PDCD1LG2: variants seen among roughly 807,000 people sequenced by gnomAD.
The protein encoded by PDCD1LG2 is programmed cell death 1 ligand 2.
A neutral mutation model predicts 28.2 loss-of-function variants in PDCD1LG2; 32 were observed. The ratio of observed to expected loss-of-function variants is 1.13; its 90% CI spans 0.86 to 1.52. PDCD1LG2 has a LOEUF of 1.52. Among genes scored for constraint, PDCD1LG2 ranks in the 40% most tolerant of loss-of-function variants. The pLI, the probability that PDCD1LG2 is intolerant of heterozygous loss-of-function variation, is 0.00. For missense variants in PDCD1LG2, 385 were observed against 323.8 expected, an observed-to-expected ratio of 1.19 and a Z score of -1.45; for synonymous variants, 116 against 120.2, an observed-to-expected ratio of 0.97 and a Z score of 0.23.
At chr9:5,543,337 A>AGATCAT (rs1820724502) in intron 3 of PDCD1LG2, among the ~76,000 whole-genome samples, 1 of 152,096 alleles carries the variant, frequency 6.6e-6, no homozygotes, top group African/African-American at 2.4e-5. Flanking sequence ...CAGGAGATCA[A>AGATCAT]GATCATCCTG....
Position 5,536,995 on chromosome 9 carries a change from T to C in PDCD1LG2, c.361+1945T>C, listed in dbSNP as rs374409237. ...GTGTAAAACCCTCTATAGTGTTAAA[T>C]AAAAGAATGATTGGGAACATTGACA... On this transcript the variant is annotated intron_variant, in intron 3 of 6. Coordinates refer to ENST00000397747, the MANE Select transcript of PDCD1LG2 (RefSeq NM_025239.4). 3.9e-5 allele frequency among the ~76,000 whole-genome samples: 6 copies of C among 152,324 alleles called. No individual in the cohort carries two copies. The East Asian group carries it at 9.6e-4, about 24-fold the overall frequency.
At chr9:5,568,087 A>G (rs972990138) in intron 6 of PDCD1LG2, among the ~76,000 whole-genome samples, 1 of 152,152 alleles carries the variant, frequency 6.6e-6, no homozygotes, top group Non-Finnish European at 1.5e-5. Flanking sequence ...GGCACTATAA[A>G]CCTTTCGCAA....
At chr9:5,521,502 C>T (rs1274798334) in intron 1 of PDCD1LG2, among the ~76,000 whole-genome samples, 1 of 152,136 alleles carries the variant, frequency 6.6e-6, no homozygotes, top group African/African-American at 2.4e-5. Context: ...GACCACTTCT[C>T]ACCCCTACTA....
intron 3 of PDCD1LG2, among the ~76,000 whole-genome samples, chr9:5,540,863 T>C (rs971687242): frequency 2.3e-4 from 35 of 152,088 alleles, no homozygotes; most frequent in African/African-American, 8.4e-4. Context: ...AATCATTCTA[T>C]GAAGCCAGTA....
chr9:5,532,118 G>A (rs1040905944), intron 2 of PDCD1LG2, among the ~76,000 whole-genome samples: 2 of 152,168 alleles, frequency 1.3e-5, no homozygotes, highest in African/African-American at 4.8e-5. Context: ...GAATCATACA[G>A]GAAATCTCTT....
At chr9:5,522,407 C>T in intron 1 of PDCD1LG2, 126 bp from the exon 2 acceptor site, 1 of 646,424 alleles carries the variant, frequency 1.5e-6, no homozygotes, top group Non-Finnish European at 2.7e-6. Flanking sequence ...CCTCCCAGCT[C>T]CACTCTACCA....
intron 1 of PDCD1LG2, among the ~76,000 whole-genome samples, chr9:5,516,286 C>T (rs965634033): frequency 3.9e-5 from 6 of 152,142 alleles, no homozygotes; most frequent in South Asian, 4.1e-4. Flanking sequence ...CTCCTGACCT[C>T]GTGATTTTCC....
chr9:5,513,251 T>G (rs775945989), intron 1 of PDCD1LG2, among the ~76,000 whole-genome samples: 4 of 152,200 alleles, frequency 2.6e-5, no homozygotes, highest in Non-Finnish European at 5.9e-5. Flanking sequence ...CGCCTGTGCA[T>G]TTGCACCTCT....
At chr9:5,530,249 C>T (rs1462159510) in intron 2 of PDCD1LG2, among the ~76,000 whole-genome samples, 3 of 152,120 alleles carry the variant, frequency 2.0e-5, no homozygotes, top group African/African-American at 7.2e-5. Context: ...GACCTGCATA[C>T]ATGAATTTTT....
At chr9:5,547,795 A>G (rs893970411) in intron 3 of PDCD1LG2, among the ~76,000 whole-genome samples, 23 of 152,172 alleles carry the variant, frequency 1.5e-4, no homozygotes, top group African/African-American at 5.3e-4. Context: ...AAAATTAGCC[A>G]GGCATGGTGG....
At chr9:5,542,219 A>G (rs1252825150) in intron 3 of PDCD1LG2, among the ~76,000 whole-genome samples, 4 of 152,250 alleles carry the variant, frequency 2.6e-5, no homozygotes, top group African/African-American at 4.8e-5. Context: ...ACCTGAAACC[A>G]TAACGATTCT....
intron 3 of PDCD1LG2, among the ~76,000 whole-genome samples, chr9:5,546,811 TA>T (rs1438839169): frequency 1.3e-5 from 2 of 152,188 alleles, no homozygotes; most frequent in African/African-American, 2.4e-5. Flanking sequence ...ATTTATACAT[TA>T]GGGGGAAAGA....
intron 5 of PDCD1LG2, among the ~76,000 whole-genome samples, chr9:5,562,271 A>G (rs984279854): frequency 5.3e-5 from 8 of 152,206 alleles, no homozygotes; most frequent in African/African-American, 1.9e-4. Flanking sequence ...GATAAAGAAA[A>G]TGTGGTATAT....
At position 5,549,496 on chromosome 9, in the gene PDCD1LG2, C is replaced by A. The variant is rs2129876643; in HGVS notation, c.523C>A (p.Gln175Lys). The A allele has an allele frequency of 6.2e-7, 1 of 1,614,208 alleles. No individual in the cohort carries two copies. Among genetic ancestry groups the A allele is most frequent in the Non-Finnish European group, 8.5e-7 (1 of 1,180,038 alleles). ...SHSRTPEGLYQVTSVLRLKPP... is the reference protein window; with the variant it reads ...SHSRTPEGLYKVTSVLRLKPP... ...CTCCAGGACCCCTGAAGGCCTCTAC[C>A]AGGTCACCAGTGTTCTGCGCCTAAA... is the stretch of plus-strand genomic sequence containing the variant. The change falls in exon 4 of 7, where the codon CAG (glutamine) becomes AAG (lysine). Residue 175 changes from glutamine (Q) to lysine (K), a missense_variant. Transcript: ENST00000397747.
Position 5,522,536 on chromosome 9 carries a change from A to C in PDCD1LG2, c.-11A>C, listed in dbSNP as rs1432958393. ...GACTTTCAATTGTCTATTTCAGATCAAATACAGAACATGATCTTCCTCCTG... is the reference window on the plus strand; with the variant it reads ...GACTTTCAATTGTCTATTTCAGATCCAATACAGAACATGATCTTCCTCCTG... On this transcript the variant is annotated 5_prime_UTR_variant, in exon 2 of 7. Coordinates refer to ENST00000397747, the MANE Select transcript of PDCD1LG2 (RefSeq NM_025239.4). 1 of 1,613,016 alleles carries C rather than the reference A, an allele frequency of 6.2e-7. No homozygotes were observed. The highest frequency in any genetic ancestry group is 8.5e-7 in the Non-Finnish European group (1 of 1,179,360).
At chr9:5,523,487 A>C (rs1182038652) in intron 2 of PDCD1LG2, among the ~76,000 whole-genome samples, 2 of 152,132 alleles carry the variant, frequency 1.3e-5, no homozygotes, top group African/African-American at 4.8e-5. Context: ...ATCACTCTTC[A>C]CCCAGTCACA....
chr9:5,564,896 T>C (rs979488628), intron 6 of PDCD1LG2, among the ~76,000 whole-genome samples: 1 of 152,230 alleles, frequency 6.6e-6, no homozygotes, highest in African/African-American at 2.4e-5. Flanking sequence ...TTTGGCATGG[T>C]CTACTTTAAG....
At chr9:5,533,360 C>T (rs537084732) in intron 2 of PDCD1LG2, among the ~76,000 whole-genome samples, 1 of 152,156 alleles carries the variant, frequency 6.6e-6, no homozygotes, top group South Asian at 2.1e-4. Context: ...CTATTTAGAT[C>T]AATTCAACTT....
chr9:5,536,494 T>C (rs183724775), intron 3 of PDCD1LG2, among the ~76,000 whole-genome samples: 1 of 152,324 alleles, frequency 6.6e-6, no homozygotes, highest in East Asian at 1.9e-4. Flanking sequence ...ACACTGAAGT[T>C]TGTCTGAGTT....
Sources: allele counts gnomAD v4.1 joint callset (sites outside exome capture counted in the v4.1 genomes callset), GRCh38; gene constraint gnomAD v4.1.1; transcripts MANE v1.5; gene names NCBI Gene and HGNC (gene_info 2026-07-23, HGNC 2026-07-21).